CDK15: variants seen among roughly 807,000 people sequenced by gnomAD.
The protein encoded by CDK15 is cyclin-dependent kinase 15.
In CDK15, 62 loss-of-function variants were observed where a neutral mutation model predicts 60.3. The ratio of observed to expected loss-of-function variants is 1.03; its 90% CI spans 0.84 to 1.27. The LOEUF is 1.27. Among genes scored for constraint, CDK15 ranks in the 50% most tolerant of loss-of-function variants. The pLI is 0.00. For synonymous variants in CDK15, 194 were observed against 195.7 expected, an observed-to-expected ratio of 0.99 and a Z score of 0.07; for missense variants, 541 against 527.8, an observed-to-expected ratio of 1.03 and a Z score of -0.25.
chr2:201,855,799 A>G (rs1014029607), intron 10 of CDK15, among the ~76,000 whole-genome samples: 1 of 151,900 alleles, frequency 6.6e-6, no homozygotes, highest in African/African-American at 2.4e-5. Context: ...ACTAAAAATG[A>G]AATCTTCCCA....
intron 10 of CDK15, among the ~76,000 whole-genome samples, chr2:201,859,029 C>T (rs1003487804): frequency 1.3e-5 from 2 of 152,126 alleles, no homozygotes; most frequent in East Asian, 3.9e-4. Context: ...AAAGGGCTGC[C>T]GTCTTTCACA....
intron 9 of CDK15, 84 bp from the exon 10 acceptor site, chr2:201,854,790 A>C: frequency 8.7e-7 from 1 of 1,146,636 alleles, no homozygotes; most frequent in Admixed American, 1.7e-5. Context: ...TTCTTCCCTG[A>C]TTTGTCCTGC....
At chr2:201,873,547 T>C (rs978239260) in intron 11 of CDK15, among the ~76,000 whole-genome samples, 1 of 152,206 alleles carries the variant, frequency 6.6e-6, no homozygotes, top group African/African-American at 2.4e-5. Context: ...CAGCTGCCCC[T>C]GTCCCATGGC....
intron 4 of CDK15, among the ~76,000 whole-genome samples, chr2:201,816,472 T>C (rs1446219019): frequency 1.3e-5 from 2 of 149,036 alleles, no homozygotes; most frequent in Non-Finnish European, 3.0e-5. Flanking sequence ...TTTTTTTTTT[T>C]TTTTTTTGTG....
chr2:201,809,853 C>T (rs1317490639), intron 3 of CDK15, among the ~76,000 whole-genome samples: 1 of 152,062 alleles, frequency 6.6e-6, no homozygotes, highest in Non-Finnish European at 1.5e-5. Flanking sequence ...CCTGGAGCTG[C>T]CTTCCACTGT....
intron 4 of CDK15, among the ~76,000 whole-genome samples, chr2:201,819,741 G>C (rs1696139883): frequency 6.6e-6 from 1 of 152,102 alleles, no homozygotes; most frequent in South Asian, 2.1e-4. Flanking sequence ...AAAGTTGAGA[G>C]GACTTGACGT....
chr2:201,843,867 G>A (rs1697512617), intron 8 of CDK15, among the ~76,000 whole-genome samples: 1 of 151,154 alleles, frequency 6.6e-6, no homozygotes, highest in Non-Finnish European at 1.5e-5. Context: ...ACATAATTTT[G>A]TATACAAGTT....
At chr2:201,842,762 C>T (rs1160224798) in intron 8 of CDK15, among the ~76,000 whole-genome samples, 1 of 152,192 alleles carries the variant, frequency 6.6e-6, no homozygotes, top group Non-Finnish European at 1.5e-5. Context: ...GCAGTTTCCT[C>T]TAACTTGACT....
intron 10 of CDK15, among the ~76,000 whole-genome samples, chr2:201,865,819 G>A (rs752921637): frequency 2.9e-4 from 43 of 147,074 alleles, no homozygotes; most frequent in Admixed American, 5.6e-4. Flanking sequence ...GAACCTGGGA[G>A]GCAGAAGTTG....
At chr2:201,857,745 C>T (rs1045797089) in intron 10 of CDK15, among the ~76,000 whole-genome samples, 1 of 152,182 alleles carries the variant, frequency 6.6e-6, no homozygotes, top group Non-Finnish European at 1.5e-5. Flanking sequence ...ATTGATAACT[C>T]AATCCCAAGG....
intron 9 of CDK15, among the ~76,000 whole-genome samples, chr2:201,851,394 G>C (rs559755485): frequency 6.6e-6 from 1 of 151,790 alleles, no homozygotes; most frequent in South Asian, 2.1e-4. Context: ...TGTCCAGTGA[G>C]AGATTTGGTC....
At chr2:201,846,580 A>G (rs1374927963) in intron 8 of CDK15, among the ~76,000 whole-genome samples, 3 of 150,994 alleles carry the variant, frequency 2.0e-5, no homozygotes, top group Non-Finnish European at 2.9e-5. Flanking sequence ...TTTTTTTTTA[A>G]ACTCCTAGGA....
At chr2:201,809,678 A>G (rs887646891) in intron 3 of CDK15, among the ~76,000 whole-genome samples, 3 of 152,218 alleles carry the variant, frequency 2.0e-5, no homozygotes, top group Non-Finnish European at 4.4e-5. Context: ...AATATCTAAT[A>G]CAACAGTCTC....
rs72164831 is a variant in CDK15 at position 201,846,490 on chromosome 2, C to CAA, written c.852-876_852-875dup. Among the ~76,000 whole-genome samples, 211 of 126,546 alleles carry CAA rather than the reference C, an allele frequency of 1.7e-3. 3 individuals carry two copies. The highest frequency in any genetic ancestry group is 5.5e-3 in the African/African-American group (197 of 36,038). The allele number at this position is 126,546 out of a possible 152,430, so 83.0% of individuals were successfully genotyped here. A position where few individuals can be genotyped will look rare whatever the true frequency, so the allele number is the denominator to read the frequency against. ...CCTGGGCGACAGACCAAGATTCCAC[C>CAA]AAAAAAAAAAAAAAAATTGCAGAAT... On this transcript the variant is annotated intron_variant, in intron 8 of 13. Coordinates refer to ENST00000652192, the MANE Select transcript of CDK15 (RefSeq NM_001366386.2).
At chr2:201,817,058 G>A (rs551450231) in intron 4 of CDK15, among the ~76,000 whole-genome samples, 2 of 152,234 alleles carry the variant, frequency 1.3e-5, no homozygotes, top group Non-Finnish European at 2.9e-5. Flanking sequence ...ACCCGCTGCT[G>A]CTGAACACTG....
Position 201,872,296 on chromosome 2 carries a change from C to G in CDK15, c.1028C>G (p.Thr343Arg). ...TTCCCAGAATGGTTCCCACTGCCTA[C>G]GCCTCGAAGCCTTCATGTTGTCTGG... Reference protein sequence around the residue: ...NYNPEWFPLPTPRSLHVVWNR... With the variant: ...NYNPEWFPLPRPRSLHVVWNR... Residue 343 changes from threonine to arginine, a missense_variant, in exon 11 of 14, where the codon ACG becomes AGG. By Grantham distance (71) the Thr-to-Arg change is moderately conservative. Transcript: ENST00000652192. The G allele has an allele frequency of 6.2e-7, 1 of 1,614,062 alleles. No individual in the cohort carries two copies. The highest frequency in any genetic ancestry group is 1.1e-5 in the South Asian group (1 of 91,076).
chr2:201,820,481 T>G (rs1696171507), intron 4 of CDK15, among the ~76,000 whole-genome samples: 2 of 152,176 alleles, frequency 1.3e-5, no homozygotes, highest in African/African-American at 4.8e-5. Context: ...CATCCTCATA[T>G]CAACCCTATG....
intron 4 of CDK15, among the ~76,000 whole-genome samples, chr2:201,819,525 C>T (rs1317946734): frequency 6.6e-6 from 1 of 152,138 alleles, no homozygotes; most frequent in East Asian, 1.9e-4. Context: ...AACCAGGAGG[C>T]ACATGCCCTA....
chr2:201,888,287 A>C (rs947578832), intron 12 of CDK15, among the ~76,000 whole-genome samples: 1 of 152,208 alleles, frequency 6.6e-6, no homozygotes, highest in African/African-American at 2.4e-5. Flanking sequence ...CCATGAGCTT[A>C]GGAACTCAAT....
Sources: gnomAD v4.1 joint callset for allele counts (sites outside exome capture counted in the v4.1 genomes callset) on GRCh38, gnomAD v4.1.1 for gene constraint, MANE v1.5 for transcripts, NCBI Gene and HGNC (gene_info 2026-07-23, HGNC 2026-07-21) for gene names.